Variants in ADAMTSL1 observed in about 807,000 individuals in gnomAD.
The protein encoded by ADAMTSL1 is ADAMTS like 1, also known as ADAMTS-like protein 1.
A neutral mutation model predicts 201.8 loss-of-function variants in ADAMTSL1; 126 were observed. The observed-to-expected ratio is 0.62, with a 90% CI of 0.54 to 0.72. ADAMTSL1 has a LOEUF of 0.72. Among genes scored for constraint, ADAMTSL1 ranks in the 30% least tolerant of loss-of-function variants. The probability of loss-of-function intolerance (pLI) is 0.00; values close to 1 mark genes in which losing one functional copy is unlikely to be tolerated. For synonymous variants in ADAMTSL1, 1,121 were observed against 903.4 expected, an observed-to-expected ratio of 1.24 and a Z score of -4.32; for missense variants, 2,679 against 2,277.8, an observed-to-expected ratio of 1.18 and a Z score of -3.59.
In ADAMTSL1 at chr9:18,202,681, C is replaced by T. The variant is rs531236316; in HGVS notation, c.207+38700C>T. Among the ~76,000 whole-genome samples the T allele has an allele frequency of 2.6e-5, 4 of 152,286 alleles. No homozygotes were observed. In the South Asian group the frequency reaches 8.3e-4, roughly 32 times the overall value. ...CCTGAACACACCTCTATCCTAGCAC[C>T]TGTAACACTTCCGTCCCCTTATTTA... On this transcript the variant is annotated intron_variant, in intron 2 of 29. Transcript: ENST00000680146.
rs1297901030 is a variant in ADAMTSL1, at chr9:18,595,840, G to C, written c.474+21574G>C. The stretch of plus-strand genomic sequence containing the variant: ...CAGGGACTGGGCTGTTTCTGGGCTT[G>C]AACCCAGAAGCAAGTTTGGCAGAGC... On this transcript the variant is annotated intron_variant, in intron 4 of 28. Transcript: ENST00000380548. Among the ~76,000 whole-genome samples the C allele has an allele frequency of 2.6e-5, 4 of 152,322 alleles. No individual in the cohort carries two copies. In the East Asian group the frequency reaches 5.8e-4, roughly 22 times the overall value.
At chr9:18,622,195 G>GCCAT in intron 4 of ADAMTSL1, 48 bp from the exon 5 acceptor site, 1 of 1,596,290 alleles carries the variant, frequency 6.3e-7, no homozygotes, top group Non-Finnish European at 8.5e-7. Context: ...AATGGATTTT[G>GCCAT]CCATCGGTAG....
chr9:18,339,871 A>T (rs1488012388), intron 2 of ADAMTSL1, among the ~76,000 whole-genome samples: 2 of 151,804 alleles, frequency 1.3e-5, no homozygotes, highest in African/African-American at 4.8e-5. Flanking sequence ...TCTCATTCTC[A>T]TTTTCTGCCC....
chr9:17,953,053 CACTG>C (rs1444071308), intron 1 of ADAMTSL1, among the ~76,000 whole-genome samples: 3 of 148,552 alleles, frequency 2.0e-5, no homozygotes, highest in African/African-American at 7.5e-5. Context: ...TTTGGAATCA[CACTG>C]ACTGTTTACA....
chr9:18,124,551 G>A (rs922080915), intron 1 of ADAMTSL1, among the ~76,000 whole-genome samples: 7 of 152,046 alleles, frequency 4.6e-5, no homozygotes, highest in African/African-American at 1.7e-4. Context: ...ACTTTGTTGG[G>A]AATGTCCTTT....
At chr9:18,319,896 C>G (rs552017276) in intron 2 of ADAMTSL1, among the ~76,000 whole-genome samples, 1 of 152,118 alleles carries the variant, frequency 6.6e-6, no homozygotes, top group Non-Finnish European at 1.5e-5. Flanking sequence ...CTAGATTATC[C>G]TGGTGGGCTC....
intron 16 of ADAMTSL1, among the ~76,000 whole-genome samples, chr9:18,768,894 G>A (rs1015491251): frequency 1.4e-4 from 21 of 152,072 alleles, no homozygotes; most frequent in African/African-American, 4.8e-4. Flanking sequence ...TTGTAGAAGT[G>A]GTTCTAAGCC....
chr9:18,217,664 C>G (rs1038540413), intron 2 of ADAMTSL1, among the ~76,000 whole-genome samples: 1 of 152,164 alleles, frequency 6.6e-6, no homozygotes, highest in African/African-American at 2.4e-5. Flanking sequence ...CTCTTGCCTT[C>G]TTGCCTAATT....
At chr9:18,449,094 TTTATTCATG>T (rs66656275) in intron 2 of ADAMTSL1, among the ~76,000 whole-genome samples, 50,226 of 151,356 alleles carry the variant, frequency 0.33, 9,266 homozygotes, top group East Asian at 0.5. Context: ...AACTTCCGCA[TTTATTCATG>T]TGAGTGAGAA....
chr9:18,718,638 C>G, intron 14 of ADAMTSL1: 2 of 357,424 alleles, frequency 5.6e-6, no homozygotes, highest in South Asian at 4.3e-5. Flanking sequence ...CTGCCGCTGC[C>G]GCCGCCGCTC....
intron 1 of ADAMTSL1, among the ~76,000 whole-genome samples, chr9:18,017,893 G>C (rs373555170): frequency 1.3e-5 from 2 of 151,948 alleles, no homozygotes; most frequent in African/African-American, 4.8e-5. Context: ...AAATAGCATT[G>C]TACCTGTCAG....
intron 15 of ADAMTSL1, among the ~76,000 whole-genome samples, chr9:18,724,432 G>A (rs1460619200): frequency 6.6e-6 from 1 of 152,206 alleles, no homozygotes; most frequent in Non-Finnish European, 1.5e-5. Context: ...CTTTCACCAG[G>A]TTTAGGCAAA....
intron 9 of ADAMTSL1, among the ~76,000 whole-genome samples, chr9:18,674,691 A>G (rs1830036756): frequency 6.6e-6 from 1 of 152,124 alleles, no homozygotes; most frequent in Non-Finnish European, 1.5e-5. Flanking sequence ...AATATTATAT[A>G]GATATATAAA....
Position 18,715,567 on chromosome 9 carries a change from C to T in ADAMTSL1, c.1877-5969C>T, listed in dbSNP as rs997021441. 1.2e-4 allele frequency among the ~76,000 whole-genome samples: 18 copies of T among 152,020 alleles called. 1 individual carries two copies. Among genetic ancestry groups the T allele is most frequent in the Non-Finnish European group, 2.2e-4 (15 of 68,004 alleles). The stretch of plus-strand genomic sequence containing the variant: ...CCTCTTCAAAGAGAACTACAAACCA[C>T]TACTCAAGGAAATAAAAGAGGATAC... On this transcript the variant is annotated intron_variant, in intron 14 of 28. Transcript: ENST00000380548.
At chr9:18,402,025 G>A (rs1587085211) in intron 2 of ADAMTSL1, among the ~76,000 whole-genome samples, 1 of 152,162 alleles carries the variant, frequency 6.6e-6, no homozygotes. Context: ...GAGCTATCTG[G>A]TGATAGGCGA....
chr9:17,935,855 A>T (rs1328715186), intron 1 of ADAMTSL1, among the ~76,000 whole-genome samples: 6 of 152,242 alleles, frequency 3.9e-5, no homozygotes. Flanking sequence ...CATGCAGGTG[A>T]TCCTATTAAA....
At position 18,099,325 on chromosome 9, in the gene ADAMTSL1, A is replaced by AT; in HGVS notation, c.88-64537_88-64536insT. ...CTGTTTTTGCTTTGCTGCAAATGGA[A>AT]AATATATATATATATATATATATAT... On this transcript the variant is annotated intron_variant, in intron 1 of 29. Transcript: ENST00000680146. Among the ~76,000 whole-genome samples, 7 of 57,634 alleles carry AT rather than the reference A, an allele frequency of 1.2e-4. 1 individual carries two copies. The highest frequency in any genetic ancestry group is 4.8e-4 in the African/African-American group (7 of 14,686). The allele number at this position is 57,634 out of a possible 152,430, so 37.8% of individuals were successfully genotyped here.
intron 23 of ADAMTSL1, among the ~76,000 whole-genome samples, chr9:18,857,686 A>G (rs1294180449): frequency 1.3e-5 from 2 of 152,182 alleles, no homozygotes; most frequent in Non-Finnish European, 2.9e-5. Context: ...TGGAATTAAT[A>G]CGTCTTTTGT....
chr9:18,092,047 T>C (rs1223188256), intron 1 of ADAMTSL1, among the ~76,000 whole-genome samples: 4 of 152,214 alleles, frequency 2.6e-5, no homozygotes, highest in Non-Finnish European at 5.9e-5. Flanking sequence ...TGTTCATCTG[T>C]AGATACATCT....
Sources: allele counts gnomAD v4.1 joint callset (sites outside exome capture counted in the v4.1 genomes callset), GRCh38; gene constraint gnomAD v4.1.1; transcripts MANE v1.5; gene names NCBI Gene and HGNC (gene_info 2026-07-23, HGNC 2026-07-21).